DCUN1D1: variants seen among roughly 807,000 people sequenced by gnomAD.
The protein encoded by DCUN1D1 is DCN1-like protein 1.
Under a neutral mutation model 39.0 loss-of-function variants are expected in DCUN1D1, and 3 were observed. The ratio of observed to expected loss-of-function variants is 0.08; its 90% CI spans 0.04 to 0.20. DCUN1D1 has a LOEUF of 0.20. Ranked by LOEUF, DCUN1D1 falls within the 10% of genes least tolerant of loss-of-function variation. DCUN1D1 has a pLI of 1.00. For missense variants in DCUN1D1, 158 were observed against 302.4 expected, an observed-to-expected ratio of 0.52 and a Z score of 3.54; for synonymous variants, 82 against 96.3, an observed-to-expected ratio of 0.85 and a Z score of 0.87.
chr3:182,969,274 CCCAT>C (rs1484321408), intron 1 of DCUN1D1, among the ~76,000 whole-genome samples: 2 of 152,224 alleles, frequency 1.3e-5, no homozygotes, highest in African/African-American at 4.8e-5. Flanking sequence ...CTGTAACACT[CCCAT>C]CCCCTTTTCC....
intron 1 of DCUN1D1, among the ~76,000 whole-genome samples, chr3:182,973,000 C>T (rs1369397931): frequency 1.3e-5 from 2 of 152,004 alleles, no homozygotes; most frequent in Non-Finnish European, 1.5e-5. Flanking sequence ...GGAGATCACA[C>T]CATTGCGCTC....
At chr3:182,964,930 C>A (rs73177382) in intron 2 of DCUN1D1, among the ~76,000 whole-genome samples, 1 of 152,054 alleles carries the variant, frequency 6.6e-6, no homozygotes, top group Non-Finnish European at 1.5e-5. Flanking sequence ...TGAGCCACCA[C>A]GCCCAGCCTT....
At chr3:182,980,660 G>C (rs1362445319), upstream of DCUN1D1, 1 of 848,264 alleles carries the variant, frequency 1.2e-6, no homozygotes, top group Non-Finnish European at 1.4e-6. Flanking sequence ...CGGAGGGACG[G>C]AGGCAGGCGG....
intron 1 of DCUN1D1, among the ~76,000 whole-genome samples, chr3:182,968,357 A>G (rs1252866839): frequency 6.6e-6 from 1 of 152,212 alleles, no homozygotes; most frequent in East Asian, 1.9e-4. Context: ...CTGCAGGGTC[A>G]ATCACCTTTG....
At chr3:182,963,529 T>C (rs1727510181) in intron 3 of DCUN1D1, among the ~76,000 whole-genome samples, 1 of 152,224 alleles carries the variant, frequency 6.6e-6, no homozygotes, top group Non-Finnish European at 1.5e-5. Flanking sequence ...TTCCAGTTTT[T>C]AAATTCTAGG....
chr3:182,947,095 C>T (rs1726448812), intron 6 of DCUN1D1, 143 bp downstream of exon 6: 1 of 580,868 alleles, frequency 1.7e-6, no homozygotes, highest in African/African-American at 1.9e-5. Context: ...GAATGAGACT[C>T]TATCTCAAAA....
chr3:182,948,657 T>A, intron 4 of DCUN1D1, among the ~76,000 whole-genome samples: 1 of 152,198 alleles, frequency 6.6e-6, no homozygotes, highest in East Asian at 1.9e-4. Flanking sequence ...TAAAAGTCCT[T>A]TTATTGATAG....
chr3:182,980,571 G>T (rs1728495474), upstream of DCUN1D1: 2 of 1,164,322 alleles, frequency 1.7e-6, no homozygotes, highest in Non-Finnish European at 2.1e-6. Context: ...TCCTCTCACG[G>T]GCTTGCCCGG....
chr3:182,977,878 A>G (rs923808826), intron 1 of DCUN1D1, among the ~76,000 whole-genome samples: 2 of 151,958 alleles, frequency 1.3e-5, no homozygotes, highest in Admixed American at 1.3e-4. Context: ...CGTCTCTACT[A>G]AAAATACAAA....
intron 1 of DCUN1D1, among the ~76,000 whole-genome samples, chr3:182,977,369 G>A (rs1254828698): frequency 6.6e-6 from 1 of 152,054 alleles, no homozygotes; most frequent in African/African-American, 2.4e-5. Flanking sequence ...AAATGTCTAT[G>A]CTGGATGAAA....
At chr3:182,947,792 T>A (rs148266354) in intron 4 of DCUN1D1, among the ~76,000 whole-genome samples, 160 bp from the exon 5 acceptor site, 26 of 152,288 alleles carry the variant, frequency 1.7e-4, no homozygotes, top group African/African-American at 5.3e-4. Flanking sequence ...TACAAATGAG[T>A]CCAAAGTTTG....
chr3:182,940,310 T>A lies in DCUN1D1; in HGVS notation c.*4784A>T, dbSNP rs1160895614. 1 of 152,214 alleles carries A rather than the reference T, an allele frequency of 6.6e-6. No homozygotes were observed. The highest frequency in any genetic ancestry group is 1.5e-5 in the Non-Finnish European group (1 of 68,028). The allele number at this position is 152,214 out of a possible 1,614,324, so 9.4% of individuals were successfully genotyped here. A position where few individuals can be genotyped will look rare whatever the true frequency, so the allele number is the denominator to read the frequency against. ...TGCATTTGAATATATATGTACTTTT[T>A]AAATATAAAATGAGTATGTTCCGTT... On this transcript the variant is annotated 3_prime_UTR_variant, in exon 7 of 7. Coordinates refer to ENST00000292782, the MANE Select transcript of DCUN1D1 (RefSeq NM_020640.4).
chr3:182,954,953 T>A (rs1162936895), intron 4 of DCUN1D1, among the ~76,000 whole-genome samples: 1 of 152,232 alleles, frequency 6.6e-6, no homozygotes, highest in African/African-American at 2.4e-5. Context: ...TCTACTTTTC[T>A]AAAGGTTTTT....
intron 4 of DCUN1D1, among the ~76,000 whole-genome samples, chr3:182,959,501 C>CAAAA (rs11373344): frequency 0.012 from 1,004 of 81,064 alleles, 8 homozygotes; most frequent in East Asian, 0.06. Flanking sequence ...CTTCAAAAAC[C>CAAAA]AAAAAAAAAA....
Position 182,960,475 on chromosome 3 carries a change from C to A in DCUN1D1, c.520+751G>T, listed in dbSNP as rs542791702. ...ATTCATAACTATCTTCTCACTGGAA[C>A]ATCTTTTATCTTCCCTCGTTCAGCC... On this transcript the variant is annotated intron_variant, in intron 4 of 6. Transcript: ENST00000292782. Among the ~76,000 whole-genome samples, 5 of 152,296 alleles carry A rather than the reference C, an allele frequency of 3.3e-5. No homozygotes were observed. The South Asian group carries it at 6.2e-4, about 19-fold the overall frequency.
intron 4 of DCUN1D1, chr3:182,955,806 C>A: frequency 4.0e-6 from 1 of 252,150 alleles, no homozygotes. Flanking sequence ...GTCTCCAACT[C>A]CTGACCTCAG....
In DCUN1D1 at chr3:182,941,533, C is replaced by T. The variant is rs1405812127; in HGVS notation, c.*3561G>A. 2 of 151,858 alleles carry T rather than the reference C, an allele frequency of 1.3e-5. No individual in the cohort carries two copies. Among genetic ancestry groups the T allele is most frequent in the East Asian group, 1.9e-4 (1 of 5,188 alleles). 9.4% of individuals were successfully genotyped at this position (151,858 alleles called of 1,614,324 possible). A position where few individuals can be genotyped will look rare whatever the true frequency, so the allele number is the denominator to read the frequency against. ...AGAAATCACAATTCAGGTTTTGTGT[C>T]CCCATTTATATGTTAAATAGTTCAC... On this transcript the variant is annotated 3_prime_UTR_variant, in exon 7 of 7. Coordinates refer to ENST00000292782, the MANE Select transcript of DCUN1D1 (RefSeq NM_020640.4).
chr3:182,980,114 G>A (rs1215137931), intron 1 of DCUN1D1: 2 of 947,414 alleles, frequency 2.1e-6, no homozygotes, highest in Non-Finnish European at 2.5e-6. Context: ...AGACACAATG[G>A]AGCCGGCAGA....
intron 2 of DCUN1D1, among the ~76,000 whole-genome samples, chr3:182,965,039 C>T (rs372069127): frequency 2.5e-4 from 38 of 152,214 alleles, no homozygotes; most frequent in South Asian, 2.5e-3. Flanking sequence ...AAATAAATAT[C>T]CCATTTTCAG....
Sources: allele counts gnomAD v4.1 joint callset (sites outside exome capture counted in the v4.1 genomes callset), GRCh38; gene constraint gnomAD v4.1.1; transcripts MANE v1.5; gene names NCBI Gene and HGNC (gene_info 2026-07-23, HGNC 2026-07-21).